Variants in FRMD4A observed in about 807,000 individuals in gnomAD.
FRMD4A encodes the protein FERM domain containing 4A, also known as FERM domain-containing protein 4A.
In FRMD4A, 29 loss-of-function variants were observed where a neutral mutation model predicts 129.1. The observed-to-expected ratio is 0.22, with a 90% confidence interval of 0.17 to 0.31. The LOEUF (loss-of-function observed/expected upper bound fraction) is 0.31, where lower values mean the gene tolerates loss of function less well. Among genes scored for constraint, FRMD4A ranks in the 10% least tolerant of loss-of-function variants. The pLI is 1.00. For missense variants in FRMD4A, 1,272 were observed against 1,375.8 expected, an observed-to-expected ratio of 0.92 and a Z score of 1.19; for synonymous variants, 634 against 571.6, an observed-to-expected ratio of 1.11 and a Z score of -1.56.
chr10:13,780,651 T>C (rs1414052845), intron 6 of FRMD4A, among the ~76,000 whole-genome samples: 1 of 152,210 alleles, frequency 6.6e-6, no homozygotes, highest in South Asian at 2.1e-4. Flanking sequence ...CCCATTGGGA[T>C]GGTCATCAAT....
chr10:13,814,649 AAGAG>A (rs1257276258), intron 3 of FRMD4A, among the ~76,000 whole-genome samples: 1 of 151,106 alleles, frequency 6.6e-6, no homozygotes, highest in East Asian at 1.9e-4. Context: ...GAAAGAAAGA[AAGAG>A]AGACAGAAAC....
intron 12 of FRMD4A, among the ~76,000 whole-genome samples, chr10:13,718,587 A>T (rs963774499): frequency 1.3e-5 from 2 of 152,204 alleles, no homozygotes; most frequent in African/African-American, 4.8e-5. Context: ...CTGTCTTTCC[A>T]GGAGGGCTGG....
chr10:14,142,522 G>T (rs1055052482), intron 2 of FRMD4A, among the ~76,000 whole-genome samples: 3 of 152,200 alleles, frequency 2.0e-5, no homozygotes, highest in Admixed American at 2.0e-4. Context: ...TGGAAATCTG[G>T]CTCTAAGACA....
chr10:13,840,202 G>T (rs921783591), intron 3 of FRMD4A, among the ~76,000 whole-genome samples: 2 of 152,162 alleles, frequency 1.3e-5, no homozygotes, highest in Admixed American at 1.3e-4. Context: ...GGTAATTCAG[G>T]TTACATGAGG....
intron 2 of FRMD4A, among the ~76,000 whole-genome samples, chr10:14,288,668 AT>A (rs1554802801): frequency 1.3e-5 from 2 of 152,232 alleles, no homozygotes; most frequent in Non-Finnish European, 2.9e-5. Flanking sequence ...AATATTTTTA[AT>A]TGTTAACAAT....
At chr10:14,284,063 T>A (rs577964914) in intron 2 of FRMD4A, among the ~76,000 whole-genome samples, 1 of 152,354 alleles carries the variant, frequency 6.6e-6, no homozygotes, top group South Asian at 2.1e-4. Context: ...CCTATTTTAC[T>A]TCTCAGTTAT....
At chr10:13,971,942 G>A in intron 2 of FRMD4A, 1 of 1,220,812 alleles carries the variant, frequency 8.2e-7, no homozygotes, top group Non-Finnish European at 1.1e-6. Context: ...TGATTCCTCT[G>A]ACTCTCCTCC....
chr10:13,794,789 T>C (rs79133359), intron 5 of FRMD4A, among the ~76,000 whole-genome samples: 2 of 152,366 alleles, frequency 1.3e-5, no homozygotes, highest in East Asian at 3.9e-4. Context: ...AAGCGTCTAT[T>C]ATGGCTACGG....
At chr10:13,823,691 G>A (rs1431848615) in intron 3 of FRMD4A, among the ~76,000 whole-genome samples, 2 of 152,180 alleles carry the variant, frequency 1.3e-5, no homozygotes, top group Admixed American at 6.5e-5. Context: ...AAAGCTGCCC[G>A]TGCACTCACT....
intron 8 of FRMD4A, among the ~76,000 whole-genome samples, chr10:13,752,663 T>C (rs1457949959): frequency 1.3e-5 from 2 of 152,152 alleles, no homozygotes; most frequent in African/African-American, 2.4e-5. Flanking sequence ...GAAACAGTAA[T>C]ATAATGCTAG....
intron 2 of FRMD4A, among the ~76,000 whole-genome samples, chr10:13,882,268 C>T (rs1381412869): frequency 1.3e-5 from 2 of 151,870 alleles, no homozygotes; most frequent in Non-Finnish European, 2.9e-5. Flanking sequence ...AGCACCTCAC[C>T]CTAAAAGAAT....
chr10:14,112,893 A>G (rs980465664), intron 2 of FRMD4A, among the ~76,000 whole-genome samples: 5 of 152,112 alleles, frequency 3.3e-5, no homozygotes, highest in Non-Finnish European at 7.4e-5. Flanking sequence ...CCTTCCCTCA[A>G]TGTGTGTAAT....
intron 2 of FRMD4A, among the ~76,000 whole-genome samples, chr10:13,862,838 A>G (rs1316689604): frequency 6.6e-6 from 1 of 152,156 alleles, no homozygotes; most frequent in Non-Finnish European, 1.5e-5. Flanking sequence ...GAAAGAATTG[A>G]CATCTGTAGC....
intron 12 of FRMD4A, among the ~76,000 whole-genome samples, chr10:13,717,720 G>GA (rs2088974279): frequency 7.6e-6 from 1 of 131,280 alleles, no homozygotes; most frequent in Non-Finnish European, 1.6e-5. Context: ...TCCAGGGGTG[G>GA]CGGGGGGGGT....
intron 2 of FRMD4A, among the ~76,000 whole-genome samples, chr10:14,204,358 G>T: frequency 6.6e-6 from 1 of 152,074 alleles, no homozygotes; most frequent in Non-Finnish European, 1.5e-5. Context: ...AGCCCAGGGA[G>T]GTTGAGGCTG....
chr10:14,232,799 G>A (rs144835928), intron 2 of FRMD4A, among the ~76,000 whole-genome samples: 31 of 152,288 alleles, frequency 2.0e-4, no homozygotes, highest in Admixed American at 2.0e-3. Flanking sequence ...GCTGAAGTTG[G>A]TTATCAGATC....
At chr10:13,940,788 G>A (rs1423899729) in intron 2 of FRMD4A, among the ~76,000 whole-genome samples, 3 of 152,118 alleles carry the variant, frequency 2.0e-5, no homozygotes, top group Non-Finnish European at 4.4e-5. Context: ...GCCCAATACT[G>A]TTTTCTTATC....
At chr10:14,249,215 G>C (rs1844348234) in intron 2 of FRMD4A, among the ~76,000 whole-genome samples, 1 of 152,052 alleles carries the variant, frequency 6.6e-6, no homozygotes, top group Non-Finnish European at 1.5e-5. Context: ...AGCCAGGTGT[G>C]GTGGTGGGCA....
chr10:13,794,386 C>T (rs542737850), intron 5 of FRMD4A, among the ~76,000 whole-genome samples: 15 of 75,736 alleles, frequency 2.0e-4, no homozygotes, highest in Non-Finnish European at 3.5e-4. Flanking sequence ...AGCGAGAATC[C>T]GTCTCAAAAA....
Sources: gnomAD v4.1 joint callset for allele counts (sites outside exome capture counted in the v4.1 genomes callset) on GRCh38, gnomAD v4.1.1 for gene constraint, MANE v1.5 for transcripts, NCBI Gene and HGNC (gene_info 2026-07-23, HGNC 2026-07-21) for gene names.